The following VTI1A variants were observed in gnomAD, a reference collection of about 807,000 sequenced individuals.
VTI1A encodes vesicle transport through interaction with t-SNAREs homolog 1A.
VTI1A carries 22 observed loss-of-function variants against 34.9 expected under a neutral mutation model. The observed-to-expected ratio is 0.63, with a 90% CI of 0.45 to 0.90. VTI1A has a LOEUF of 0.90. Ranked by LOEUF, VTI1A falls within the 40% of genes least tolerant of loss-of-function variation. The probability of loss-of-function intolerance (pLI) is 0.00; values close to 1 mark genes in which losing one functional copy is unlikely to be tolerated. For synonymous variants in VTI1A, 87 were observed against 97.3 expected, an observed-to-expected ratio of 0.89 and a Z score of 0.62; for missense variants, 268 against 275.6, an observed-to-expected ratio of 0.97 and a Z score of 0.20.
At position 112,476,909 on chromosome 10, in the gene VTI1A, A is replaced by G. The variant is rs546323955; in HGVS notation, c.264+12252A>G. Reference sequence around the variant, plus strand: ...AAAATGGGTTAGGCACTTTTGACTTAGCATATAGCTTTTAGGTGAGTTTAG... The same window carrying G: ...AAAATGGGTTAGGCACTTTTGACTTGGCATATAGCTTTTAGGTGAGTTTAG... On this transcript the variant is annotated intron_variant, in intron 3 of 7. Transcript: ENST00000393077. Among the ~76,000 whole-genome samples, 3 of 152,322 alleles carry G rather than the reference A, an allele frequency of 2.0e-5. No homozygotes were observed. The South Asian group carries it at 6.2e-4, about 32-fold the overall frequency.
At chr10:112,478,145 G>T (rs965752137) in intron 3 of VTI1A, among the ~76,000 whole-genome samples, 1 of 152,110 alleles carries the variant, frequency 6.6e-6, no homozygotes, top group Non-Finnish European at 1.5e-5. Context: ...TTATTAGATT[G>T]CTAGAAGTAG....
At chr10:112,489,398 C>A (rs938108092) in intron 3 of VTI1A, among the ~76,000 whole-genome samples, 2 of 152,142 alleles carry the variant, frequency 1.3e-5, no homozygotes, top group Non-Finnish European at 2.9e-5. Flanking sequence ...CTTCCCCCAA[C>A]CCCCCATTCT....
At chr10:112,448,121 T>A (rs76217586) in intron 1 of VTI1A, among the ~76,000 whole-genome samples, 10 of 152,304 alleles carry the variant, frequency 6.6e-5, no homozygotes, top group Admixed American at 5.9e-4. Flanking sequence ...TGGGGGAAAA[T>A]TGTACTTCTC....
downstream of VTI1A, among the ~76,000 whole-genome samples, chr10:112,822,399 A>T (rs1026998014): frequency 1.1e-4 from 17 of 152,088 alleles, no homozygotes; most frequent in Non-Finnish European, 5.9e-5. Context: ...GCTGAGAAGG[A>T]TCGAGAAAGA....
intron 7 of VTI1A, among the ~76,000 whole-genome samples, chr10:112,761,370 T>G (rs1165051513): frequency 6.6e-6 from 1 of 152,174 alleles, no homozygotes; most frequent in Non-Finnish European, 1.5e-5. Context: ...GGATTACCCC[T>G]CAAGACTATA....
intron 7 of VTI1A, among the ~76,000 whole-genome samples, chr10:112,746,520 CAG>C (rs976851953): frequency 3.8e-4 from 58 of 152,314 alleles, no homozygotes; most frequent in Non-Finnish European, 5.1e-4. Context: ...TTTGCCAAAA[CAG>C]GGAGTGAAGT....
At chr10:112,452,127 C>G (rs375109353) in intron 1 of VTI1A, among the ~76,000 whole-genome samples, 2 of 152,190 alleles carry the variant, frequency 1.3e-5, no homozygotes, top group Non-Finnish European at 2.9e-5. Context: ...CAGGAACTCA[C>G]TGCTACAATA....
At chr10:112,663,289 G>A (rs1327290909) in intron 5 of VTI1A, among the ~76,000 whole-genome samples, 4 of 152,168 alleles carry the variant, frequency 2.6e-5, no homozygotes, top group African/African-American at 7.2e-5. Context: ...CTCAGAGCAG[G>A]TACTTGCCCT....
intron 5 of VTI1A, among the ~76,000 whole-genome samples, chr10:112,541,860 C>T (rs954903620): frequency 6.6e-6 from 1 of 152,204 alleles, no homozygotes; most frequent in Non-Finnish European, 1.5e-5. Context: ...TGGATCCTTT[C>T]TTATTTGAGA....
At chr10:112,671,155 C>G (rs542914253) in intron 7 of VTI1A, among the ~76,000 whole-genome samples, 2 of 152,240 alleles carry the variant, frequency 1.3e-5, no homozygotes, top group Admixed American at 1.3e-4. Context: ...GTTTATGTAC[C>G]AAAGCCTTTT....
intron 1 of VTI1A, among the ~76,000 whole-genome samples, chr10:112,453,884 G>A (rs1847332626): frequency 6.6e-6 from 1 of 152,136 alleles, no homozygotes; most frequent in Non-Finnish European, 1.5e-5. Context: ...AGCTGACAAA[G>A]CAAGGAAATT....
intron 3 of VTI1A, among the ~76,000 whole-genome samples, chr10:112,502,608 T>C (rs1452875780): frequency 1.3e-5 from 2 of 152,222 alleles, no homozygotes; most frequent in Non-Finnish European, 2.9e-5. Context: ...GCATTCTGAA[T>C]TATTTTGCTA....
intron 7 of VTI1A, among the ~76,000 whole-genome samples, chr10:112,796,447 G>A (rs567136125): frequency 2.0e-5 from 3 of 152,072 alleles, no homozygotes; most frequent in Non-Finnish European, 4.4e-5. Flanking sequence ...TCTGCAAGGG[G>A]TGTGAGAAGG....
intron 3 of VTI1A, among the ~76,000 whole-genome samples, chr10:112,481,482 A>G (rs1394949589): frequency 6.6e-6 from 1 of 152,230 alleles, no homozygotes; most frequent in Non-Finnish European, 1.5e-5. Context: ...TTGCAGTCTA[A>G]CTGCTTTGGA....
At chr10:112,643,214 T>C (rs1466005903) in intron 5 of VTI1A, among the ~76,000 whole-genome samples, 2 of 150,278 alleles carry the variant, frequency 1.3e-5, no homozygotes, top group African/African-American at 4.9e-5. Context: ...CAGGGTGGTC[T>C]TGAACTCCTG....
At chr10:112,550,610 AT>A (rs1213303417) in intron 5 of VTI1A, among the ~76,000 whole-genome samples, 1 of 152,094 alleles carries the variant, frequency 6.6e-6, no homozygotes, top group Non-Finnish European at 1.5e-5. Flanking sequence ...TTAAAAAATA[AT>A]TTTTTATTGA....
intron 7 of VTI1A, among the ~76,000 whole-genome samples, chr10:112,683,674 T>G (rs2133864158): frequency 6.6e-6 from 1 of 152,182 alleles, no homozygotes. Context: ...AATCTTAAAG[T>G]TTCCACATAG....
Position 112,710,003 on chromosome 10 carries a change from T to C in VTI1A, c.560+41005T>C, listed in dbSNP as rs780649974. On this transcript the variant is annotated intron_variant, in intron 7 of 7. Coordinates refer to ENST00000393077, the MANE Select transcript of VTI1A (RefSeq NM_145206.4). Reference sequence around the variant, plus strand: ...CTGCTCTTGTTGGACAGATCTAGTATGCCTTAAGTTTCAGCTGTTTCAGTA... The same window carrying C: ...CTGCTCTTGTTGGACAGATCTAGTACGCCTTAAGTTTCAGCTGTTTCAGTA... Among the ~76,000 whole-genome samples the C allele has an allele frequency of 2.1e-5, 3 of 145,068 alleles. No individual in the cohort carries two copies. In the South Asian group the frequency reaches 7.1e-4, roughly 34 times the overall value.
chr10:112,713,427 A>G (rs1849499369), intron 7 of VTI1A, among the ~76,000 whole-genome samples: 1 of 152,184 alleles, frequency 6.6e-6, no homozygotes. Context: ...TATCTCGTTT[A>G]GTTTCATTTA....
Sources: gnomAD v4.1 joint callset for allele counts (sites outside exome capture counted in the v4.1 genomes callset) on GRCh38, gnomAD v4.1.1 for gene constraint, MANE v1.5 for transcripts, NCBI Gene and HGNC (gene_info 2026-07-23, HGNC 2026-07-21) for gene names.